The following PXDNL variants were observed in gnomAD, a reference collection of about 807,000 sequenced individuals.
PXDNL encodes the protein probable oxidoreductase PXDNL.
Under a neutral mutation model 150.8 loss-of-function variants are expected in PXDNL, and 145 were observed. The observed-to-expected ratio is 0.96, with a 90% confidence interval of 0.84 to 1.10. PXDNL has a LOEUF of 1.10. PXDNL is among the 50% of genes least tolerant of loss of function. The pLI is 0.00. For missense variants in PXDNL, 2,087 were observed against 1,873.9 expected (o/e 1.11, Z -2.10); for synonymous variants, 757 against 725.7 (o/e 1.04, Z -0.69).
intron 1 of PXDNL, among the ~76,000 whole-genome samples, chr8:51,738,186 G>A (rs1484418936): frequency 6.6e-6 from 1 of 152,164 alleles, no homozygotes; most frequent in African/African-American, 2.4e-5. Flanking sequence ...AAGTCTTACT[G>A]ACCTTCCTCC....
chr8:51,711,676 G>C (rs898903199), intron 1 of PXDNL, among the ~76,000 whole-genome samples: 1 of 152,194 alleles, frequency 6.6e-6, no homozygotes, highest in Non-Finnish European at 1.5e-5. Context: ...AAGTGACTTT[G>C]TTTTGTTAAG....
At chr8:51,591,878 C>T (rs187499771) in intron 3 of PXDNL, among the ~76,000 whole-genome samples, 337 of 152,320 alleles carry the variant, frequency 2.2e-3, no homozygotes, top group African/African-American at 7.8e-3. Context: ...TGGGCCTCCC[C>T]AAAGTGCTGG....
At chr8:51,572,755 C>G (rs562139402) in intron 3 of PXDNL, among the ~76,000 whole-genome samples, 1 of 151,798 alleles carries the variant, frequency 6.6e-6, no homozygotes, top group Admixed American at 6.6e-5. Context: ...AAAATTTTAT[C>G]ACATATTGGA....
chr8:51,608,852 A>AAAAAAG (rs1554557717), intron 2 of PXDNL, among the ~76,000 whole-genome samples: 5 of 149,476 alleles, frequency 3.3e-5, no homozygotes, highest in African/African-American at 1.3e-4. Context: ...AAAAAAAAAA[A>AAAAAAG]AAAAAAAGAA....
chr8:51,756,421 AAGAG>A (rs1167035520), intron 1 of PXDNL, among the ~76,000 whole-genome samples: 2 of 151,780 alleles, frequency 1.3e-5, no homozygotes, highest in African/African-American at 2.4e-5. Flanking sequence ...AAGAAAGAGA[AAGAG>A]AGAAAGAAAA....
chr8:51,447,685 G>A (rs1809707074), intron 11 of PXDNL, among the ~76,000 whole-genome samples: 1 of 152,132 alleles, frequency 6.6e-6, no homozygotes, highest in Non-Finnish European at 1.5e-5. Context: ...ATGAGCCTCT[G>A]AATCCTTCTT....
At chr8:51,378,432 C>A (rs537912864) in intron 17 of PXDNL, among the ~76,000 whole-genome samples, 1 of 152,312 alleles carries the variant, frequency 6.6e-6, no homozygotes, top group East Asian at 1.9e-4. Context: ...GGATTGTAAA[C>A]TCACCAATCA....
intron 4 of PXDNL, among the ~76,000 whole-genome samples, chr8:51,519,686 A>T (rs1811618378): frequency 6.6e-6 from 1 of 152,252 alleles, no homozygotes; most frequent in Non-Finnish European, 1.5e-5. Context: ...ATAAAGCAAG[A>T]GAGTTCATCA....
chr8:51,474,373 G>A (rs374319959), intron 7 of PXDNL, among the ~76,000 whole-genome samples: 24 of 152,250 alleles, frequency 1.6e-4, no homozygotes, highest in East Asian at 1.9e-4. Context: ...GTAAGCAGCC[G>A]TAATAAATTA....
chr8:51,553,091 C>T (rs1274799062), intron 4 of PXDNL, among the ~76,000 whole-genome samples: 1 of 152,234 alleles, frequency 6.6e-6, no homozygotes, highest in Non-Finnish European at 1.5e-5. Flanking sequence ...AACATTAAAT[C>T]CTAAGGCTCT....
Position 51,388,783 on chromosome 8 carries a change from T to C in PXDNL, c.3558-14052A>G, listed in dbSNP as rs183732141. Among the ~76,000 whole-genome samples the C allele has an allele frequency of 2.1e-3, 317 of 152,324 alleles. 1 individual carries two copies. Among genetic ancestry groups the C allele is most frequent in the African/African-American group, 7.0e-3 (292 of 41,566 alleles). On this transcript the variant is annotated intron_variant, in intron 17 of 22. Transcript: ENST00000356297. ...TCATCTGTCTGTACTACACACTGAG[T>C]GAATTCTTCAGATTTATCTTCCAGT...
intron 2 of PXDNL, among the ~76,000 whole-genome samples, chr8:51,624,113 A>AT (rs1430978640): frequency 2.1e-4 from 30 of 145,990 alleles, no homozygotes; most frequent in African/African-American, 8.0e-4. Context: ...AAAAAAAAAA[A>AT]AAAAAAAAAA....
intron 3 of PXDNL, among the ~76,000 whole-genome samples, chr8:51,561,111 C>T (rs886555559): frequency 3.3e-5 from 5 of 151,822 alleles, no homozygotes; most frequent in Admixed American, 2.6e-4. Flanking sequence ...ACAAAATAAG[C>T]ATTTGTGAGG....
intron 3 of PXDNL, among the ~76,000 whole-genome samples, chr8:51,564,724 C>A (rs1812781426): frequency 6.6e-6 from 1 of 151,688 alleles, no homozygotes; most frequent in African/African-American, 2.4e-5. Context: ...ATTAGGAAAT[C>A]ATAATTTTGC....
intron 5 of PXDNL, among the ~76,000 whole-genome samples, chr8:51,484,463 A>G (rs1263325195): frequency 6.7e-6 from 1 of 149,942 alleles, no homozygotes; most frequent in African/African-American, 2.4e-5. Context: ...ACAACAATAT[A>G]TGACAACAGA....
intron 2 of PXDNL, among the ~76,000 whole-genome samples, chr8:51,628,714 G>T (rs7005202): frequency 0.83 from 126,263 of 151,884 alleles, 52,807 homozygotes; most frequent in African/African-American, 0.92. Context: ...CTGTTTTCTT[G>T]TTTTTATTTT....
At chr8:51,626,225 C>A (rs2130744854) in intron 2 of PXDNL, among the ~76,000 whole-genome samples, 1 of 152,302 alleles carries the variant, frequency 6.6e-6, no homozygotes, top group East Asian at 1.9e-4. Flanking sequence ...TTCTATCTGC[C>A]TACTTACCTG....
chr8:51,353,649 T>C (rs188368211), intron 19 of PXDNL, among the ~76,000 whole-genome samples: 11 of 152,298 alleles, frequency 7.2e-5, no homozygotes, highest in Non-Finnish European at 1.6e-4. Flanking sequence ...TATTTGAGAA[T>C]CTTTATGAAT....
chr8:51,527,220 T>G (rs911703071), intron 4 of PXDNL, among the ~76,000 whole-genome samples: 9 of 152,218 alleles, frequency 5.9e-5, no homozygotes, highest in African/African-American at 1.7e-4. Context: ...CACAATGAGC[T>G]GGGACCTACC....
Sources: gnomAD v4.1 joint callset for allele counts (sites outside exome capture counted in the v4.1 genomes callset) on GRCh38, gnomAD v4.1.1 for gene constraint, MANE v1.5 for transcripts, NCBI Gene and HGNC (gene_info 2026-07-23, HGNC 2026-07-21) for gene names.